GYG2: variants seen among roughly 807,000 people sequenced by gnomAD.
GYG2 encodes the protein glycogenin 2.
A neutral mutation model predicts 29.4 loss-of-function variants in GYG2; 29 were observed. That is an observed-to-expected ratio of 0.99 (90% CI 0.74 to 1.35). GYG2 has a LOEUF of 1.35. Among genes scored for constraint, GYG2 ranks in the 40% most tolerant of loss-of-function variants. The pLI, the probability that GYG2 is intolerant of heterozygous loss-of-function variation, is 0.00. For synonymous variants in GYG2, 167 were observed against 172.3 expected (o/e 0.97, Z 0.24); for missense variants, 370 against 385.7 (o/e 0.96, Z 0.34).
intron 8 of GYG2, among the ~76,000 whole-genome samples, chrX:2,869,324 A>C (rs906148401): frequency 5.4e-5 from 6 of 111,645 alleles, no homozygotes; most frequent in Non-Finnish European, 1.1e-4. Context: ...CTTGTATCAG[A>C]GACTTGAGCA....
chrX:2,852,912 A>G (rs1452708967), intron 3 of GYG2: 1 of 112,802 alleles, frequency 8.9e-6, no homozygotes, highest in African/African-American at 3.2e-5. Flanking sequence ...TCTACTTCAC[A>G]GAAATTTAAA....
chrX:2,856,626 T>A lies in GYG2; in HGVS notation c.614+2T>A. 5.0e-6 allele frequency: 6 copies of A among 1,203,416 alleles called. No individual in the cohort carries two copies. The highest frequency in any genetic ancestry group is 2.2e-6 in the Non-Finnish European group (2 of 890,367). ...CACTTACAGCCCTGCCTTCAAGCAGTAAGTTCTCCACCCTGGCGAATCCTG... is the reference window on the plus strand; with the variant it reads ...CACTTACAGCCCTGCCTTCAAGCAGAAAGTTCTCCACCCTGGCGAATCCTG... On this transcript the variant is annotated splice_donor_variant, in intron 6 of 10. Coordinates refer to ENST00000398806, the MANE Select transcript of GYG2 (RefSeq NM_001079855.2). LOFTEE classifies it high-confidence loss of function.
intron 3 of GYG2, among the ~76,000 whole-genome samples, chrX:2,847,411 G>A (rs1167557339): frequency 2.8e-5 from 3 of 109,066 alleles, no homozygotes; most frequent in African/African-American, 1.0e-4. Context: ...ATTCCAGGCC[G>A]GCCACGGTGG....
At chrX:2,829,776 G>A (rs2087219972) in intron 1 of GYG2, among the ~76,000 whole-genome samples, 1 of 110,451 alleles carries the variant, frequency 9.1e-6, no homozygotes, top group South Asian at 4.0e-4. Flanking sequence ...GCTGAGGTCG[G>A]GTGGTGTCCC....
rs1569064558 is a variant in GYG2, at chrX:2,856,740, CTATCTATCTATG to C, written c.614+128_614+139del. On this transcript the variant is annotated intron_variant, in intron 6 of 10. Coordinates refer to ENST00000398806, the MANE Select transcript of GYG2 (RefSeq NM_001079855.2). ...AAAACTCTATCTATCTATCTATCATCTATCTATCTATGTATCTATCTATCTATCTATCTATCT... is the reference window on the plus strand; with the variant it reads ...AAAACTCTATCTATCTATCTATCATCTATCTATCTATCTATCTATCTATCT... 332 of 375,268 alleles carry C rather than the reference CTATCTATCTATG, an allele frequency of 8.8e-4. 18 individuals are homozygous for C. The highest frequency in any genetic ancestry group is 2.0e-3 in the Admixed American group (42 of 21,125). The allele number at this position is 375,268 out of a possible 1,213,427, so 30.9% of individuals were successfully genotyped here.
chrX:2,872,657 A>C (rs1017625986), intron 8 of GYG2, among the ~76,000 whole-genome samples: 13 of 112,475 alleles, frequency 1.2e-4, no homozygotes, highest in Non-Finnish European at 2.4e-4. Flanking sequence ...CGTGGAACTT[A>C]TTTATGTGTT....
At chrX:2,876,674 C>G (rs1479604542) in intron 9 of GYG2, among the ~76,000 whole-genome samples, 1 of 110,505 alleles carries the variant, frequency 9.0e-6, no homozygotes, top group Non-Finnish European at 1.9e-5. Flanking sequence ...TAGTGCCGGC[C>G]GCGGTGGCTC....
In GYG2 at chrX:2,882,330, CAG is replaced by C. The variant is rs942352870; in HGVS notation, c.*1122_*1123del. 2.7e-5 allele frequency: 3 copies of C among 110,665 alleles called. No homozygotes were observed. The highest frequency in any genetic ancestry group is 9.9e-5 in the African/African-American group (3 of 30,393). The allele number at this position is 110,665 out of a possible 1,213,427, so 9.1% of individuals were successfully genotyped here. ...TTCTCATGCACATTCCAGGGAAAAG[CAG>C]AGAGTAAATTAGAGACGGGATAGGA... On this transcript the variant is annotated 3_prime_UTR_variant, in exon 11 of 11. Transcript: ENST00000398806.
chrX:2,860,471 C>A (rs947943892), intron 7 of GYG2, among the ~76,000 whole-genome samples: 1 of 109,923 alleles, frequency 9.1e-6, no homozygotes, highest in African/African-American at 3.3e-5. Context: ...TGATTGACAC[C>A]AATTTGATTG....
At chrX:2,840,240 C>T (rs183770778) in intron 2 of GYG2, among the ~76,000 whole-genome samples, 5 of 111,471 alleles carry the variant, frequency 4.5e-5, no homozygotes, top group Admixed American at 1.9e-4. Flanking sequence ...CTGGTGAGGA[C>T]GGGGTAGGGG....
chrX:2,838,257 A>T (rs1453959356), intron 2 of GYG2, among the ~76,000 whole-genome samples: 1 of 111,523 alleles, frequency 9.0e-6, no homozygotes, highest in East Asian at 2.8e-4. Context: ...ACTATTCATG[A>T]TAAGAAGTCT....
Position 2,875,860 on chromosome X carries a change from A to G in GYG2, c.1089A>G (p.Pro363=), listed in dbSNP as rs1389213049. ...CTCCTGCCGTGATAACGTGTGACCC[A>G]CTGTCCCAGCCTTCCCCTCAGCCTG... The part of the protein sequence containing the change: ...TETPAVITCD[P]LSQPSPQPAD... Residue 363 remains proline, a synonymous_variant, in exon 9 of 11, where the codon CCA becomes CCG. Coordinates refer to ENST00000398806, the MANE Select transcript of GYG2 (RefSeq NM_001079855.2). The G allele has an allele frequency of 1.7e-6, 2 of 1,198,802 alleles. No individual in the cohort carries two copies. Among genetic ancestry groups the G allele is most frequent in the Non-Finnish European group, 2.3e-6 (2 of 884,553 alleles).
At chrX:2,880,216 G>GT (rs775792839) in intron 10 of GYG2, among the ~76,000 whole-genome samples, 2 of 107,730 alleles carry the variant, frequency 1.9e-5, no homozygotes, top group Non-Finnish European at 3.8e-5. Flanking sequence ...ATTTTCATCT[G>GT]TTTTTTCACA....
rs1449121768 is a variant in GYG2 at position 2,863,232 on chromosome X, G to A, written c.1038+1510G>A. On this transcript the variant is annotated intron_variant, in intron 8 of 10. Transcript: ENST00000398806. ...TGGGACTGCAGGTGCCCGCCACCGC[G>A]CCCGGCTAATTTTTTGTATTTTTAG... is the stretch of plus-strand genomic sequence containing the variant. Among the ~76,000 whole-genome samples the A allele has an allele frequency of 2.7e-5, 3 of 109,291 alleles. No individual in the cohort carries two copies. In the East Asian group the frequency reaches 8.8e-4, roughly 32 times the overall value. The allele number at this position is 109,291 out of a possible 115,157, so 94.9% of individuals were successfully genotyped here. A position where few individuals can be genotyped will look rare whatever the true frequency, so the allele number is the denominator to read the frequency against.
At chrX:2,868,801 A>T (rs2088373955) in intron 8 of GYG2, among the ~76,000 whole-genome samples, 1 of 111,293 alleles carries the variant, frequency 9.0e-6, no homozygotes, top group East Asian at 2.8e-4. Flanking sequence ...ACAAACCTGC[A>T]CATCCTGCAC....
intron 7 of GYG2, among the ~76,000 whole-genome samples, chrX:2,860,543 T>C (rs1442534457): frequency 9.1e-6 from 1 of 110,092 alleles, no homozygotes; most frequent in Non-Finnish European, 1.9e-5. Context: ...GTGTGCTGAA[T>C]GTAGGCTGCA....
chrX:2,841,206 GGATA>G (rs1436300439), intron 2 of GYG2, among the ~76,000 whole-genome samples: 8 of 108,227 alleles, frequency 7.4e-5, no homozygotes, highest in African/African-American at 1.0e-4. Flanking sequence ...ACAGATAGAT[GGATA>G]GATGGATGGA....
Position 2,849,610 on chromosome X carries a change from T to C in GYG2, c.150-4370T>C, listed in dbSNP as rs150500927. ...AAAATGAAGAAAAATCCTAAATGCC[T>C]TTCTGTATCAATCTGGTTGTGACAA... On this transcript the variant is annotated intron_variant, in intron 3 of 10. Transcript: ENST00000398806. 4.4e-3 allele frequency among the ~76,000 whole-genome samples: 499 copies of C among 112,177 alleles called. 4 individuals are homozygous for C. The highest frequency in any genetic ancestry group is 0.015 in the African/African-American group (470 of 30,942).
chrX:2,844,242 TAAAA>T (rs1177758170), intron 3 of GYG2, among the ~76,000 whole-genome samples: 1 of 111,547 alleles, frequency 9.0e-6, no homozygotes, highest in African/African-American at 3.3e-5. Context: ...AGAGAACAAA[TAAAA>T]AACCAACCAG....
Sources: allele counts gnomAD v4.1 joint callset (sites outside exome capture counted in the v4.1 genomes callset), GRCh38; gene constraint gnomAD v4.1.1; transcripts MANE v1.5; gene names NCBI Gene and HGNC (gene_info 2026-07-23, HGNC 2026-07-21).